MSR1: variants seen among roughly 807,000 people sequenced by gnomAD.
The protein encoded by MSR1 is macrophage scavenger receptor 1.
In MSR1, 53 loss-of-function variants were observed where a neutral mutation model predicts 47.2. The observed-to-expected ratio is 1.12, with a 90% CI of 0.90 to 1.41. The LOEUF is 1.41. Ranked by LOEUF, MSR1 falls within the 40% of genes most tolerant of loss-of-function variation. MSR1 has a pLI of 0.00. For synonymous variants in MSR1, 239 were observed against 185.6 expected, an observed-to-expected ratio of 1.29 and a Z score of -2.34; for missense variants, 786 against 546.9, an observed-to-expected ratio of 1.44 and a Z score of -4.36.
chr8:16,164,632 C>T (rs572809874), intron 4 of MSR1, among the ~76,000 whole-genome samples: 4 of 151,820 alleles, frequency 2.6e-5, no homozygotes, highest in Non-Finnish European at 4.4e-5. Context: ...AGTCAAATTT[C>T]GTGAATTTGA....
chr8:16,139,943 C>G (rs1800507843), intron 8 of MSR1: 1 of 396,182 alleles, frequency 2.5e-6, no homozygotes, highest in Non-Finnish European at 3.4e-6. Flanking sequence ...CTGTTCCTCC[C>G]CCAGTATAGC....
intron 4 of MSR1, among the ~76,000 whole-genome samples, chr8:16,167,416 G>T (rs868180036): frequency 4.6e-5 from 7 of 152,172 alleles, no homozygotes; most frequent in Middle Eastern, 3.4e-3. Context: ...GAGGTAGCAC[G>T]TACCTTTGAT....
At position 16,164,079 on chromosome 8, in the gene MSR1, A is replaced by G. The variant is rs1389410264; in HGVS notation, c.803T>C (p.Ile268Thr). The change falls in exon 5 of 10, where the codon ATC becomes ACC. Residue 268 changes from isoleucine (I) to threonine (T), a missense_variant. Coordinates refer to ENST00000262101, the MANE Select transcript of MSR1 (RefSeq NM_138715.3). ...AGACATTTTACCTTGAATTAAAGTG[A>G]TATTTCTCAAGGTCTGAGAATGTTC... Reference protein sequence around the residue: ...DWEHSQTLRNITLIQGPPGPP... With the variant: ...DWEHSQTLRNTTLIQGPPGPP... 1 of 1,608,166 alleles carries G rather than the reference A, an allele frequency of 6.2e-7. No homozygotes were observed. The highest frequency in any genetic ancestry group is 8.5e-7 in the Non-Finnish European group (1 of 1,176,046).
At chr8:16,181,140 T>C (rs1329886322) in intron 1 of MSR1, among the ~76,000 whole-genome samples, 1 of 152,012 alleles carries the variant, frequency 6.6e-6, no homozygotes, top group African/African-American at 2.4e-5. Flanking sequence ...AAAACTGACA[T>C]GACAATAAAA....
At chr8:16,171,323 T>C (rs1801481440) in intron 3 of MSR1, among the ~76,000 whole-genome samples, 2 of 151,982 alleles carry the variant, frequency 1.3e-5, no homozygotes, top group South Asian at 4.1e-4. Context: ...TGCAGTTAAA[T>C]TCTAATTTCA....
chr8:16,150,334 A>T, intron 6 of MSR1, 23 bp from the exon 7 acceptor site: 1 of 1,441,472 alleles, frequency 6.9e-7, no homozygotes, highest in Non-Finnish European at 9.5e-7. Context: ...CGAAGAAAAA[A>T]AGAAGGTAAT....
intron 4 of MSR1, among the ~76,000 whole-genome samples, chr8:16,165,773 G>T (rs544450062): frequency 2.0e-5 from 3 of 152,072 alleles, no homozygotes; most frequent in African/African-American, 4.8e-5. Flanking sequence ...ATGAATGTGC[G>T]TCTAGATTTG....
At chr8:16,120,948 T>A in intron 8 of MSR1, 1 of 340,400 alleles carries the variant, frequency 2.9e-6, no homozygotes, top group South Asian at 2.8e-5. Context: ...CATTGAAAAA[T>A]TATAACTAAA....
intron 7 of MSR1, among the ~76,000 whole-genome samples, 168 bp from the exon 8 acceptor site, chr8:16,143,779 A>G (rs1265714030): frequency 6.6e-6 from 1 of 152,148 alleles, no homozygotes; most frequent in Non-Finnish European, 1.5e-5. Context: ...ATTACTTAGG[A>G]AGCTCCATTC....
chr8:16,149,409 T>C (rs189814424), intron 7 of MSR1, among the ~76,000 whole-genome samples: 43 of 152,178 alleles, frequency 2.8e-4, no homozygotes, highest in Admixed American at 5.9e-4. Flanking sequence ...TTCTTATTTT[T>C]TTAGAGACAG....
chr8:16,125,823 G>A (rs1195931267), intron 8 of MSR1, among the ~76,000 whole-genome samples: 1 of 151,996 alleles, frequency 6.6e-6, no homozygotes, highest in Non-Finnish European at 1.5e-5. Context: ...TTGAAGTGCT[G>A]TGGTGCAGTC....
chr8:16,110,428 AAAGT>A (rs1193482444), intron 9 of MSR1, among the ~76,000 whole-genome samples: 2 of 152,186 alleles, frequency 1.3e-5, no homozygotes, highest in African/African-American at 2.4e-5. Flanking sequence ...ACTAAAATGC[AAAGT>A]AAGAAGAGCT....
At chr8:16,161,339 G>C (rs1801157918) in intron 5 of MSR1, among the ~76,000 whole-genome samples, 1 of 152,026 alleles carries the variant, frequency 6.6e-6, no homozygotes, top group African/African-American at 2.4e-5. Context: ...TGGGGAGGCA[G>C]ATGCGGGTGG....
At chr8:16,142,158 G>A (rs1043311549) in intron 8 of MSR1, among the ~76,000 whole-genome samples, 14 of 151,976 alleles carry the variant, frequency 9.2e-5, no homozygotes, top group African/African-American at 2.7e-4. Flanking sequence ...GTGAAACCCC[G>A]TATCTACTAA....
chr8:16,191,668 T>C (rs1015776964), intron 1 of MSR1, among the ~76,000 whole-genome samples: 3 of 152,140 alleles, frequency 2.0e-5, no homozygotes, highest in Admixed American at 2.0e-4. Context: ...GGAGCTGGAA[T>C]TTGAACACAG....
intron 3 of MSR1, among the ~76,000 whole-genome samples, chr8:16,172,224 T>A (rs1482348343): frequency 1.3e-5 from 2 of 152,152 alleles, no homozygotes; most frequent in Non-Finnish European, 2.9e-5. Context: ...TCAGTAAAGC[T>A]AATATTTTTC....
chr8:16,163,487 TGTAAA>T (rs1326226445), intron 5 of MSR1, among the ~76,000 whole-genome samples: 1 of 151,464 alleles, frequency 6.6e-6, no homozygotes, highest in South Asian at 2.1e-4. Context: ...AAATCTATAA[TGTAAA>T]GCTAAAACTA....
intron 5 of MSR1, among the ~76,000 whole-genome samples, chr8:16,159,256 A>C (rs1801097038): frequency 6.6e-6 from 1 of 151,908 alleles, no homozygotes; most frequent in Non-Finnish European, 1.5e-5. Context: ...AATGTTTCCA[A>C]ATAAACAAAA....
intron 8 of MSR1, among the ~76,000 whole-genome samples, chr8:16,138,508 C>G (rs1800446780): frequency 2.0e-5 from 3 of 152,050 alleles, no homozygotes; most frequent in Admixed American, 2.0e-4. Flanking sequence ...GACTTTCTTC[C>G]CTAATTTGAA....
Sources: gnomAD v4.1 joint callset for allele counts (sites outside exome capture counted in the v4.1 genomes callset) on GRCh38, gnomAD v4.1.1 for gene constraint, MANE v1.5 for transcripts, NCBI Gene and HGNC (gene_info 2026-07-23, HGNC 2026-07-21) for gene names.